FSIP1: variants seen among roughly 807,000 people sequenced by gnomAD.
The protein encoded by FSIP1 is fibrous sheath interacting protein 1.
Under a neutral mutation model 60.9 loss-of-function variants are expected in FSIP1, and 65 were observed. The observed-to-expected ratio is 1.07, with a 90% confidence interval of 0.87 to 1.31. The LOEUF (loss-of-function observed/expected upper bound fraction) is 1.31. FSIP1 is among the 40% of genes most tolerant of loss of function. The probability of loss-of-function intolerance (pLI) is 0.00; values close to 1 mark genes in which losing one functional copy is unlikely to be tolerated. For missense variants in FSIP1, 675 were observed against 665.5 expected (o/e 1.01, Z -0.16); for synonymous variants, 209 against 221.2 (o/e 0.94, Z 0.49).
intron 11 of FSIP1, among the ~76,000 whole-genome samples, chr15:39,605,930 C>T (rs1019615765): frequency 2.0e-5 from 3 of 152,164 alleles, no homozygotes; most frequent in African/African-American, 4.8e-5. Flanking sequence ...ACTAACTTAC[C>T]TAAGATCTCC....
chr15:39,740,669 T>G (rs944957583), intron 6 of FSIP1, among the ~76,000 whole-genome samples: 1 of 152,186 alleles, frequency 6.6e-6, no homozygotes, highest in African/African-American at 2.4e-5. Flanking sequence ...TTTTGTTTTA[T>G]AAGGGAGGTT....
At chr15:39,768,774 G>T (rs1897776964) in intron 3 of FSIP1, among the ~76,000 whole-genome samples, 1 of 152,198 alleles carries the variant, frequency 6.6e-6, no homozygotes, top group African/African-American at 2.4e-5. Flanking sequence ...TTTCCTACAG[G>T]TTAACTGTTA....
intron 2 of FSIP1, among the ~76,000 whole-genome samples, chr15:39,772,988 G>C (rs529399701): frequency 1.3e-5 from 2 of 151,980 alleles, no homozygotes; most frequent in African/African-American, 2.4e-5. Flanking sequence ...CTAGTATTTA[G>C]ATTCCTACTT....
intron 9 of FSIP1, among the ~76,000 whole-genome samples, chr15:39,726,301 G>A (rs1896191493): frequency 6.6e-6 from 1 of 152,288 alleles, no homozygotes; most frequent in African/African-American, 2.4e-5. Flanking sequence ...GGACTCGTGA[G>A]TGCCATATCC....
chr15:39,627,621 C>T (rs1165804659), intron 10 of FSIP1, among the ~76,000 whole-genome samples: 1 of 151,472 alleles, frequency 6.6e-6, no homozygotes, highest in African/African-American at 2.4e-5. Flanking sequence ...TGCATATGTC[C>T]CACAAGTCAC....
chr15:39,758,207 T>C (rs1897363084), intron 5 of FSIP1, among the ~76,000 whole-genome samples: 1 of 151,964 alleles, frequency 6.6e-6, no homozygotes, highest in Non-Finnish European at 1.5e-5. Context: ...TATTTGACAG[T>C]TTTGATTTGG....
intron 10 of FSIP1, among the ~76,000 whole-genome samples, chr15:39,678,208 A>C (rs1894020942): frequency 1.3e-5 from 2 of 152,056 alleles, no homozygotes; most frequent in African/African-American, 4.8e-5. Flanking sequence ...AACTTAGCTG[A>C]TATACTTTAA....
chr15:39,690,164 G>A (rs1408111318), intron 10 of FSIP1, among the ~76,000 whole-genome samples: 1 of 152,230 alleles, frequency 6.6e-6, no homozygotes, highest in East Asian at 1.9e-4. Context: ...TGGGTGGACT[G>A]GGAGCTATGG....
chr15:39,617,293 G>A (rs112317943), intron 11 of FSIP1, among the ~76,000 whole-genome samples: 3 of 152,180 alleles, frequency 2.0e-5, no homozygotes, highest in Non-Finnish European at 4.4e-5. Context: ...GAACATAGGA[G>A]TGGCTCAGGA....
At chr15:39,638,051 G>T (rs563962838) in intron 10 of FSIP1, among the ~76,000 whole-genome samples, 1 of 152,172 alleles carries the variant, frequency 6.6e-6, no homozygotes. Context: ...GCAAATTAGA[G>T]AATCTGGAAA....
intron 11 of FSIP1, among the ~76,000 whole-genome samples, chr15:39,611,315 TG>T (rs1468186576): frequency 3.3e-5 from 5 of 152,166 alleles, no homozygotes; most frequent in Admixed American, 1.3e-4. Flanking sequence ...ATTTTGTTGT[TG>T]TTTTTTTTTA....
intron 10 of FSIP1, among the ~76,000 whole-genome samples, chr15:39,704,725 T>G (rs1244367570): frequency 6.6e-6 from 1 of 152,224 alleles, no homozygotes; most frequent in African/African-American, 2.4e-5. Flanking sequence ...GAAGGTAGAC[T>G]TTCCACCCCA....
intron 8 of FSIP1, among the ~76,000 whole-genome samples, chr15:39,733,752 TTC>T (rs1051271118): frequency 2.6e-5 from 4 of 152,100 alleles, no homozygotes; most frequent in Non-Finnish European, 5.9e-5. Flanking sequence ...CCTTCCCTCT[TTC>T]TGTCTGCTTG....
At chr15:39,674,263 C>T (rs2140474883) in intron 10 of FSIP1, among the ~76,000 whole-genome samples, 1 of 152,200 alleles carries the variant, frequency 6.6e-6, no homozygotes, top group South Asian at 2.1e-4. Context: ...ACCGTGTTAG[C>T]CAGGATGGTC....
intron 10 of FSIP1, among the ~76,000 whole-genome samples, chr15:39,698,189 T>TTG (rs552371688): frequency 5.3e-4 from 35 of 65,440 alleles, no homozygotes; most frequent in East Asian, 3.6e-3. Flanking sequence ...AAAATATTAA[T>TTG]TGTATATATA....
At chr15:39,670,545 G>T (rs547221681) in intron 10 of FSIP1, among the ~76,000 whole-genome samples, 1 of 152,072 alleles carries the variant, frequency 6.6e-6, no homozygotes, top group Non-Finnish European at 1.5e-5. Flanking sequence ...GCAGTGGTGC[G>T]ATCATAGCTC....
In FSIP1 at chr15:39,745,096, G is replaced by A. The variant is rs1184207053; in HGVS notation, c.560-3196C>T. On this transcript the variant is annotated intron_variant, in intron 5 of 11. Transcript: ENST00000350221. ...AAGGACCAGATTCACGCGCCACCCC[G>A]CCCCCCACCCCGCCATCCCCAGGCC... Among the ~76,000 whole-genome samples the A allele has an allele frequency of 4.5e-5, 4 of 89,508 alleles. No individual in the cohort carries two copies. The South Asian group carries it at 1.0e-3, about 23-fold the overall frequency. The allele number at this position is 89,508 out of a possible 152,430, so 58.7% of individuals were successfully genotyped here.
intron 9 of FSIP1, among the ~76,000 whole-genome samples, chr15:39,724,229 A>T (rs572146462): frequency 1.3e-5 from 2 of 151,984 alleles, no homozygotes; most frequent in South Asian, 4.2e-4. Context: ...TTTGCTGATG[A>T]TAAGAAAATG....
intron 10 of FSIP1, among the ~76,000 whole-genome samples, chr15:39,620,642 A>T (rs1389181431): frequency 6.6e-6 from 1 of 151,128 alleles, no homozygotes; most frequent in Non-Finnish European, 1.5e-5. Context: ...CGCAGGCTGG[A>T]GTGCAGTGGC....
Sources: gnomAD v4.1 joint callset for allele counts (sites outside exome capture counted in the v4.1 genomes callset) on GRCh38, gnomAD v4.1.1 for gene constraint, MANE v1.5 for transcripts, NCBI Gene and HGNC (gene_info 2026-07-23, HGNC 2026-07-21) for gene names.